The following SPOCK1 variants were observed in gnomAD, a reference collection of about 807,000 sequenced individuals.
SPOCK1 encodes the protein testican-1.
Under a neutral mutation model 55.3 loss-of-function variants are expected in SPOCK1, and 23 were observed. The ratio of observed to expected loss-of-function variants is 0.42; its 90% CI spans 0.30 to 0.59. The LOEUF (loss-of-function observed/expected upper bound fraction) is 0.59, where lower values mean the gene tolerates loss of function less well. Among genes scored for constraint, SPOCK1 ranks in the 20% least tolerant of loss-of-function variants. The pLI, the probability that SPOCK1 is intolerant of heterozygous loss-of-function variation, is 0.22. For synonymous variants in SPOCK1, 226 were observed against 221.0 expected, an observed-to-expected ratio of 1.02 and a Z score of -0.20; for missense variants, 499 against 552.5, an observed-to-expected ratio of 0.90 and a Z score of 0.97.
chr5:137,348,992 T>C (rs1750621284), intron 2 of SPOCK1, among the ~76,000 whole-genome samples: 2 of 152,262 alleles, frequency 1.3e-5, no homozygotes, highest in South Asian at 2.1e-4. Flanking sequence ...AAGATCACAT[T>C]GTTTGACTCA....
At chr5:137,154,460 C>T (rs1222287229) in intron 3 of SPOCK1, among the ~76,000 whole-genome samples, 11 of 152,028 alleles carry the variant, frequency 7.2e-5, no homozygotes, top group Non-Finnish European at 1.5e-5. Flanking sequence ...TTGCAAGGGC[C>T]CCAGGATGGG....
At chr5:137,453,907 C>T (rs943415534) in intron 2 of SPOCK1, among the ~76,000 whole-genome samples, 2 of 152,068 alleles carry the variant, frequency 1.3e-5, no homozygotes, top group African/African-American at 4.8e-5. Context: ...CCCTTATTCC[C>T]TGGGTTTCAC....
intron 2 of SPOCK1, among the ~76,000 whole-genome samples, chr5:137,348,592 G>A (rs952848637): frequency 2.6e-5 from 4 of 152,000 alleles, no homozygotes; most frequent in African/African-American, 9.7e-5. Context: ...GCCCTGCTCA[G>A]GGCTTCAACA....
At chr5:137,444,698 T>C (rs575212721) in intron 2 of SPOCK1, among the ~76,000 whole-genome samples, 68 of 152,288 alleles carry the variant, frequency 4.5e-4, no homozygotes, top group African/African-American at 1.4e-3. Flanking sequence ...CCAGAGGAGA[T>C]TGGGGACCTG....
intron 4 of SPOCK1, among the ~76,000 whole-genome samples, chr5:137,120,650 A>G (rs1753667725): frequency 6.6e-6 from 1 of 152,258 alleles, no homozygotes; most frequent in Non-Finnish European, 1.5e-5. Flanking sequence ...CAAGAAAAGT[A>G]GGATTGAGGA....
intron 2 of SPOCK1, among the ~76,000 whole-genome samples, chr5:137,434,836 T>C (rs1752826647): frequency 6.6e-6 from 1 of 152,138 alleles, no homozygotes; most frequent in African/African-American, 2.4e-5. Flanking sequence ...TAAATATCAG[T>C]AGCCTACAGA....
intron 6 of SPOCK1, among the ~76,000 whole-genome samples, chr5:137,001,385 A>T (rs1032270315): frequency 2.0e-5 from 3 of 152,252 alleles, no homozygotes; most frequent in Non-Finnish European, 2.9e-5. Flanking sequence ...CCATCCAGCA[A>T]GATAGGAATC....
intron 2 of SPOCK1, among the ~76,000 whole-genome samples, chr5:137,307,927 G>A (rs893865907): frequency 1.2e-4 from 18 of 152,112 alleles, no homozygotes; most frequent in African/African-American, 4.3e-4. Flanking sequence ...CACTAAACCA[G>A]GTATGCATTT....
At chr5:137,134,407 T>C (rs1753942335) in intron 4 of SPOCK1, among the ~76,000 whole-genome samples, 1 of 152,066 alleles carries the variant, frequency 6.6e-6, no homozygotes. Context: ...AACCCAAAAC[T>C]CCATGCATTA....
At chr5:137,453,034 C>T (rs879543133) in intron 2 of SPOCK1, among the ~76,000 whole-genome samples, 1 of 152,186 alleles carries the variant, frequency 6.6e-6, no homozygotes, top group Non-Finnish European at 1.5e-5. Flanking sequence ...TGTTACTTGA[C>T]TTTTAAGTCT....
At chr5:137,456,243 A>C (rs1396947825) in intron 2 of SPOCK1, among the ~76,000 whole-genome samples, 3 of 152,190 alleles carry the variant, frequency 2.0e-5, no homozygotes, top group Non-Finnish European at 4.4e-5. Context: ...CCTATTTCTC[A>C]GGAGATTCCT....
At chr5:136,988,325 C>A in intron 8 of SPOCK1, 97 bp downstream of exon 8, 1 of 878,340 alleles carries the variant, frequency 1.1e-6, no homozygotes, top group South Asian at 1.8e-5. Context: ...TATTCTCTGG[C>A]TGTGGCTCTC....
At chr5:137,186,079 AG>A in intron 3 of SPOCK1, among the ~76,000 whole-genome samples, 1 of 152,348 alleles carries the variant, frequency 6.6e-6, no homozygotes, top group South Asian at 2.1e-4. Flanking sequence ...ACAAGCACAA[AG>A]CCTTCTGAAA....
intron 2 of SPOCK1, among the ~76,000 whole-genome samples, chr5:137,457,396 C>T (rs1282321431): frequency 1.3e-5 from 2 of 152,144 alleles, no homozygotes. Context: ...CAGTGTGGGG[C>T]AGTGGGAGAG....
intron 6 of SPOCK1, among the ~76,000 whole-genome samples, chr5:137,028,512 G>C (rs567411335): frequency 6.6e-6 from 1 of 152,308 alleles, no homozygotes; most frequent in African/African-American, 2.4e-5. Flanking sequence ...GAGACACTGA[G>C]AGAGAATGTA....
Position 137,023,153 on chromosome 5 carries a change from T to A in SPOCK1, c.590-30553A>T, listed in dbSNP as rs149195893. Among the ~76,000 whole-genome samples the A allele has an allele frequency of 2.0e-5, 3 of 152,320 alleles. No individual in the cohort carries two copies. In the East Asian group the frequency reaches 5.8e-4, roughly 29 times the overall value. ...TGCCTCAATGTCTTCATCTTAAGAA[T>A]GGGACTAAGAATACTATCTATCTTA... On this transcript the variant is annotated intron_variant, in intron 6 of 10. Transcript: ENST00000394945.
chr5:136,990,925 C>T (rs1161362669), intron 7 of SPOCK1, among the ~76,000 whole-genome samples: 1 of 152,074 alleles, frequency 6.6e-6, no homozygotes, highest in East Asian at 1.9e-4. Context: ...GAGAGCAGCC[C>T]TTCTAGTTGG....
intron 3 of SPOCK1, among the ~76,000 whole-genome samples, chr5:137,199,442 C>T (rs1351214880): frequency 6.6e-6 from 1 of 152,120 alleles, no homozygotes; most frequent in Non-Finnish European, 1.5e-5. Context: ...TCACAACAGA[C>T]CTAGTTTTGA....
chr5:137,144,992 C>T (rs1394666567), intron 3 of SPOCK1, among the ~76,000 whole-genome samples: 2 of 152,094 alleles, frequency 1.3e-5, no homozygotes, highest in Admixed American at 1.3e-4. Context: ...CTTCTATCAC[C>T]AAACCTGCAG....
Sources: gnomAD v4.1 joint callset for allele counts (sites outside exome capture counted in the v4.1 genomes callset) on GRCh38, gnomAD v4.1.1 for gene constraint, MANE v1.5 for transcripts, NCBI Gene and HGNC (gene_info 2026-07-23, HGNC 2026-07-21) for gene names.